The following NDUFS1 variants were observed in gnomAD, a reference collection of about 807,000 sequenced individuals.
NDUFS1 encodes NADH-ubiquinone oxidoreductase 75 kDa subunit, mitochondrial.
NDUFS1 carries 61 observed loss-of-function variants against 84.4 expected under a neutral mutation model. The ratio of observed to expected loss-of-function variants is 0.72; its 90% CI spans 0.59 to 0.89. The LOEUF (loss-of-function observed/expected upper bound fraction) is 0.89, where lower values mean the gene tolerates loss of function less well. Ranked by LOEUF, NDUFS1 falls within the 40% of genes least tolerant of loss-of-function variation. The probability of loss-of-function intolerance (pLI) is 0.00; values close to 1 mark genes in which losing one functional copy is unlikely to be tolerated. For synonymous variants in NDUFS1, 275 were observed against 290.0 expected (o/e 0.95, Z 0.53); for missense variants, 891 against 890.0 (o/e 1.00, Z -0.01).
At chr2:206,125,470 TACAC>T (rs373368439) in intron 18 of NDUFS1, among the ~76,000 whole-genome samples, 3 of 148,482 alleles carry the variant, frequency 2.0e-5, no homozygotes, top group Admixed American at 6.8e-5. Context: ...TCAAAAATTA[TACAC>T]ACACACACAC....
chr2:206,139,720 T>C (rs1691859406), intron 12 of NDUFS1, among the ~76,000 whole-genome samples: 1 of 152,000 alleles, frequency 6.6e-6, no homozygotes, highest in Non-Finnish European at 1.5e-5. Context: ...ATAATGCTTT[T>C]TTTTTTCCCT....
At chr2:206,154,709 C>T (rs1687564741) in intron 1 of NDUFS1, among the ~76,000 whole-genome samples, 1 of 152,300 alleles carries the variant, frequency 6.6e-6, no homozygotes, top group East Asian at 1.9e-4. Context: ...CTGCAACCTC[C>T]ACCGCCCGGA....
chr2:206,133,640 G>A (rs1691597285), intron 13 of NDUFS1, among the ~76,000 whole-genome samples: 1 of 152,140 alleles, frequency 6.6e-6, no homozygotes, highest in Admixed American at 6.5e-5. Context: ...TGCATCCCAA[G>A]AGTAAAGGAA....
In NDUFS1 at chr2:206,116,219, C is replaced by A. The variant is rs530144421; in HGVS notation, c.*7966G>T. ...CTTGATCAGCCAACCATCTTCATAA[C>A]GAGATTTGTTTACAAGTCCTGGATT... On this transcript the variant is annotated 3_prime_UTR_variant, in exon 19 of 19. Coordinates refer to ENST00000233190, the MANE Select transcript of NDUFS1 (RefSeq NM_005006.7). 1.2e-5 allele frequency: 16 copies of A among 1,360,776 alleles called. No homozygotes were observed. In the African/African-American group the frequency reaches 1.6e-4, roughly 13 times the overall value. The allele number at this position is 1,360,776 out of a possible 1,614,324, so 84.3% of individuals were successfully genotyped here.
At position 206,138,553 on chromosome 2, in the gene NDUFS1, A is replaced by T. The variant is rs1303599721; in HGVS notation, c.1324T>A (p.Tyr442Asn). The change falls in exon 13 of 19, where the codon TAT (tyrosine) becomes AAT (asparagine). Residue 442 changes from tyrosine (Y) to asparagine (N), a missense_variant. Physicochemically the swap from Tyr to Asn is moderately radical, Grantham distance 143 (BLOSUM62 -2). Coordinates refer to ENST00000233190, the MANE Select transcript of NDUFS1 (RefSeq NM_005006.7). Reference protein sequence around the residue: ...IGSPVDLTYTYDHLGDSPKIL... With the variant: ...IGSPVDLTYTNDHLGDSPKIL... ...TTGGGGGAGTCTCCCAGGTGGTCAT[A>T]TGTGTAAGTGAGGTCCACTGGACTG... The T allele has an allele frequency of 1.2e-6, 2 of 1,613,892 alleles. No homozygotes were observed. Among genetic ancestry groups the T allele is most frequent in the Non-Finnish European group, 1.7e-6 (2 of 1,179,800 alleles).
chr2:206,125,047 T>A (rs1691236354), intron 18 of NDUFS1, among the ~76,000 whole-genome samples: 1 of 151,542 alleles, frequency 6.6e-6, no homozygotes, highest in African/African-American at 2.4e-5. Context: ...GATCTGACTA[T>A]GTTGCCCAGG....
At chr2:206,143,863 A>G (rs961470222) in intron 10 of NDUFS1, among the ~76,000 whole-genome samples, 155 bp downstream of exon 10, 4 of 152,196 alleles carry the variant, frequency 2.6e-5, no homozygotes, top group Non-Finnish European at 5.9e-5. Flanking sequence ...AATATCTAGC[A>G]TATGTCCTCA....
rs576383037 is a variant in NDUFS1, at chr2:206,133,772, G to A, written c.1393-667C>T. ...GTGGGTGGATCACTTGAGGACAGGA[G>A]TTCGAGACCAGCCTGGCCAACACGG... On this transcript the variant is annotated intron_variant, in intron 13 of 18. Transcript: ENST00000233190. 1.3e-3 allele frequency among the ~76,000 whole-genome samples: 195 copies of A among 152,304 alleles called. 2 individuals carry two copies. Among genetic ancestry groups the A allele is most frequent in the Non-Finnish European group, 6.8e-4 (46 of 68,030 alleles).
At chr2:206,140,943 T>TATATATACACACACACACACACACACAC (rs367723817) in intron 12 of NDUFS1, among the ~76,000 whole-genome samples, 1 of 136,110 alleles carries the variant, frequency 7.3e-6, no homozygotes, top group Non-Finnish European at 1.5e-5. Flanking sequence ...TATATATATA[T>TATATATACACACACACACACACACACAC]ACACACACAC....
chr2:206,124,298 T>C (rs747952158), intron 18 of NDUFS1, 22 bp from the exon 19 acceptor site: 1 of 1,557,604 alleles, frequency 6.4e-7, no homozygotes, highest in South Asian at 1.1e-5. Flanking sequence ...TAAGAAAATG[T>C]CATTTTGATA....
rs1258374827 is a variant in NDUFS1 at position 206,120,283 on chromosome 2, C to G, written c.*3902G>C. On this transcript the variant is annotated 3_prime_UTR_variant, in exon 19 of 19. Coordinates refer to ENST00000233190, the MANE Select transcript of NDUFS1 (RefSeq NM_005006.7). Reference sequence around the variant, plus strand: ...ACAGATTAGTACTGACAGTGGGGCACTGCTATACATATTGGAAAATGTAGA... The same window carrying G: ...ACAGATTAGTACTGACAGTGGGGCAGTGCTATACATATTGGAAAATGTAGA... 2 of 152,190 alleles carry G rather than the reference C, an allele frequency of 1.3e-5. No homozygotes were observed. The highest frequency in any genetic ancestry group is 2.9e-5 in the Non-Finnish European group (2 of 68,056). 9.4% of individuals were successfully genotyped at this position (152,190 alleles called of 1,614,324 possible). A position where few individuals can be genotyped will look rare whatever the true frequency, so the allele number is the denominator to read the frequency against.
chr2:206,144,829 AAATT>A (rs1559057648), intron 9 of NDUFS1, 59 bp downstream of exon 9: 3 of 1,526,392 alleles, frequency 2.0e-6, no homozygotes, highest in East Asian at 2.4e-5. Flanking sequence ...TAATTCTTCA[AAATT>A]ATTATAAAAT....
At chr2:206,138,761 T>C in intron 12 of NDUFS1, 147 bp from the exon 13 acceptor site, 1 of 925,668 alleles carries the variant, frequency 1.1e-6, no homozygotes, top group African/African-American at 1.6e-5. Context: ...CTACGTACCT[T>C]TCAAAACAGT....
intron 14 of NDUFS1, 58 bp from the exon 15 acceptor site, chr2:206,130,300 A>G (rs1691461332): frequency 1.5e-5 from 24 of 1,579,894 alleles, no homozygotes; most frequent in Non-Finnish European, 2.1e-5. Context: ...TAAAAAATTA[A>G]ATGTGATTTT....
intron 18 of NDUFS1, 87 bp from the exon 19 acceptor site, chr2:206,124,363 G>T: frequency 9.9e-7 from 1 of 1,008,926 alleles, no homozygotes; most frequent in Non-Finnish European, 1.6e-6. Flanking sequence ...ATATTCAGGA[G>T]GAAAAAAGAT....
At chr2:206,139,130 T>TAA (rs1232849195) in intron 12 of NDUFS1, among the ~76,000 whole-genome samples, 4 of 137,826 alleles carry the variant, frequency 2.9e-5, no homozygotes, top group South Asian at 2.3e-4. Flanking sequence ...ATAAAAAATT[T>TAA]AAAAAAAAAA....
rs990801112 is a variant in NDUFS1 at position 206,159,378 on chromosome 2, G to C, written c.-42C>G. On this transcript the variant is annotated 5_prime_UTR_variant, in exon 1 of 19. Coordinates refer to ENST00000233190, the MANE Select transcript of NDUFS1 (RefSeq NM_005006.7). ...GCCGCGGAGGCTGTTCTGCTAAACT[G>C]TCTGGACCACGACGACCCCCTAGGA... is the stretch of plus-strand genomic sequence containing the variant. 5.2e-6 allele frequency: 3 copies of C among 572,472 alleles called. No individual in the cohort carries two copies. In the South Asian group the frequency reaches 6.7e-5, roughly 13 times the overall value. 35.5% of individuals were successfully genotyped at this position (572,472 alleles called of 1,614,324 possible). A position where few individuals can be genotyped will look rare whatever the true frequency, so the allele number is the denominator to read the frequency against.
At position 206,133,084 on chromosome 2, in the gene NDUFS1, G is replaced by C; in HGVS notation, c.1414C>G (p.Pro472Ala). 6.3e-7 allele frequency: 1 copy of C among 1,581,718 alleles called. No individual in the cohort carries two copies. Among genetic ancestry groups the C allele is most frequent in the South Asian group, 1.1e-5 (1 of 90,092 alleles). ...GCAGAACTGCCTAAAACCACCATTGGTTTTTTAGCTTCCTTTAGGACCTAT... is the reference window on the plus strand; with the variant it reads ...GCAGAACTGCCTAAAACCACCATTGCTTTTTTAGCTTCCTTTAGGACCTAT... ...FSQVLKEAKK[P>A]MVVLGSSALQ... The change falls in exon 14 of 19, where the codon CCA becomes GCA. Residue 472 changes from proline to alanine, a missense_variant. By Grantham distance (27) the Pro-to-Ala change is conservative. Coordinates refer to ENST00000233190, the MANE Select transcript of NDUFS1 (RefSeq NM_005006.7).
rs1692468440 is a variant in NDUFS1 at position 206,153,819 on chromosome 2, T to C, written c.-4-137A>G. The C allele has an allele frequency of 4.8e-6, 3 of 631,208 alleles. No individual in the cohort carries two copies. In the East Asian group the frequency reaches 8.7e-5, roughly 18 times the overall value. The allele number at this position is 631,208 out of a possible 1,614,324, so 39.1% of individuals were successfully genotyped here. A position where few individuals can be genotyped will look rare whatever the true frequency, so the allele number is the denominator to read the frequency against. On this transcript the variant is annotated intron_variant, in intron 1 of 18. Coordinates refer to ENST00000233190, the MANE Select transcript of NDUFS1 (RefSeq NM_005006.7). ...CATAGGTTCTGATATTTTCACTTAG[T>C]CTGTAGATGAGAATTCTCAGTCTCA... is the stretch of plus-strand genomic sequence containing the variant.
Sources: allele counts gnomAD v4.1 joint callset (sites outside exome capture counted in the v4.1 genomes callset), GRCh38; gene constraint gnomAD v4.1.1; transcripts MANE v1.5; gene names NCBI Gene and HGNC (gene_info 2026-07-23, HGNC 2026-07-21).